Variants in SLC12A7 observed in about 807,000 individuals in gnomAD.
SLC12A7 encodes solute carrier family 12 member 7, also known as K-Cl cotransporter 4.
In SLC12A7, 100 loss-of-function variants were observed where a neutral mutation model predicts 120.6. The ratio of observed to expected loss-of-function variants is 0.83; its 90% confidence interval spans 0.71 to 0.98. SLC12A7 has a LOEUF of 0.98. SLC12A7 is among the 50% of genes least tolerant of loss of function. The pLI is 0.00. For synonymous variants in SLC12A7, 760 were observed against 678.0 expected, an observed-to-expected ratio of 1.12 and a Z score of -1.88; for missense variants, 1,373 against 1,548.1, an observed-to-expected ratio of 0.89 and a Z score of 1.90.
At chr5:1,055,604 C>T (rs1735530084) in intron 22 of SLC12A7, among the ~76,000 whole-genome samples, 1 of 152,204 alleles carries the variant, frequency 6.6e-6, no homozygotes, top group African/African-American at 2.4e-5. Flanking sequence ...TCTGGCCCAC[C>T]TTCTCCTGAC....
At chr5:1,128,051 T>C in the SLC12A7 span, among the ~76,000 whole-genome samples, 1 of 152,158 alleles carries the variant, frequency 6.6e-6, no homozygotes, top group Non-Finnish European at 1.5e-5. Context: ...AAGCAGTGAA[T>C]GTAGGATGTG....
Position 1,085,238 on chromosome 5 carries a change from T to A in SLC12A7, c.911A>T (p.Asp304Val). ...CAGAGGCCCCGAGACTCACGGGATG[T>A]CCGGGGGGTCGAAGGCAGACTTGAT... is the stretch of plus-strand genomic sequence containing the variant. ...GVIKSAFDPPDIPVCLLGNRT... is the reference protein window; with the variant it reads ...GVIKSAFDPPVIPVCLLGNRT... The change falls in exon 7 of 24, where the codon GAC becomes GTC. Residue 304 changes from aspartate to valine, a missense_variant. Physicochemically the swap from Asp to Val is radical, Grantham distance 152 (BLOSUM62 -3). Transcript: ENST00000264930. The A allele has an allele frequency of 2.5e-6, 4 of 1,612,184 alleles. No homozygotes were observed. Among genetic ancestry groups the A allele is most frequent in the Non-Finnish European group, 3.4e-6 (4 of 1,179,774 alleles).
chr5:1,108,029 TACACACACAC>T (rs59652318), intron 1 of SLC12A7, among the ~76,000 whole-genome samples: 1 of 151,492 alleles, frequency 6.6e-6, no homozygotes, highest in African/African-American at 2.4e-5. Flanking sequence ...AACACACACA[TACACACACAC>T]ACGTGAGCAT....
Position 1,083,846 on chromosome 5 carries a change from C to A in SLC12A7, c.1028G>T (p.Cys343Phe), listed in dbSNP as rs748983992. 1 of 1,607,956 alleles carries A rather than the reference C, an allele frequency of 6.2e-7. No homozygotes were observed. The highest frequency in any genetic ancestry group is 1.7e-5 in the Admixed American group (1 of 59,718). Residue 343 changes from cysteine to phenylalanine, a missense_variant, in exon 8 of 24, where the codon TGC becomes TTC. By Grantham distance (205) the Cys-to-Phe change is radical. Transcript: ENST00000264930. The stretch of plus-strand genomic sequence containing the variant: ...GGCGGCGCTGGGCTGGGAGCCGTTG[C>A]AGAAGAGGCCCCAGAGCGCGGAGGT... ...SATSALWGLF[C>F]NGSQPSAACD... is the part of the protein sequence containing the mutation.
chr5:1,087,065 G>C (rs1275589669), intron 5 of SLC12A7, 32 bp from the exon 6 acceptor site: 9 of 1,594,640 alleles, frequency 5.6e-6, no homozygotes, highest in Middle Eastern at 1.7e-4. Flanking sequence ...CCGCGGGTCA[G>C]GGGCGCACTT....
chr5:1,111,793 C>T, intron 1 of SLC12A7, 75 bp downstream of exon 1: 1 of 1,180,878 alleles, frequency 8.5e-7, no homozygotes, highest in Non-Finnish European at 1.0e-6. Context: ...CCGCCCGCCT[C>T]CGCTCCCGGA....
chr5:1,107,262 C>T (rs563139163), intron 1 of SLC12A7, among the ~76,000 whole-genome samples: 144 of 152,336 alleles, frequency 9.5e-4, no homozygotes, highest in African/African-American at 3.3e-3. Flanking sequence ...GCCTTAACCT[C>T]GGCAAATAAA....
At chr5:1,081,319 C>T (rs996101561) in intron 9 of SLC12A7, among the ~76,000 whole-genome samples, 2 of 152,140 alleles carry the variant, frequency 1.3e-5, no homozygotes, top group East Asian at 1.9e-4. Flanking sequence ...ATTAACCGGG[C>T]GTGGTACCGT....
At chr5:1,124,964 G>A in the SLC12A7 span, among the ~76,000 whole-genome samples, 4 of 152,166 alleles carry the variant, frequency 2.6e-5, no homozygotes, top group Admixed American at 6.5e-5. Flanking sequence ...AACAGCTAGA[G>A]ATTTCAAGAC....
chr5:1,145,189 G>A, the SLC12A7 span, among the ~76,000 whole-genome samples: 4 of 152,268 alleles, frequency 2.6e-5, no homozygotes, highest in African/African-American at 9.6e-5. This position sits in a 1 kb window ranked among gnomAD's most constrained non-coding sequence, Gnocchi z 4.4. Flanking sequence ...GGGGTCTCTG[G>A]AGACAGGACA....
intron 1 of SLC12A7, among the ~76,000 whole-genome samples, chr5:1,104,355 C>T (rs566507688): frequency 5.3e-5 from 8 of 152,222 alleles, no homozygotes; most frequent in African/African-American, 1.4e-4. Flanking sequence ...CCCGGCTGCA[C>T]GTCTGCAAGG....
chr5:1,053,326 A>G (rs1407783669), intron 23 of SLC12A7, 23 bp downstream of exon 23: 1 of 1,611,148 alleles, frequency 6.2e-7, no homozygotes, highest in Non-Finnish European at 8.5e-7. Context: ...CACGCTCAGC[A>G]GGCACACTGC....
At chr5:1,096,863 ATGAAG>A (rs1283867434) in intron 1 of SLC12A7, among the ~76,000 whole-genome samples, 1 of 78,796 alleles carries the variant, frequency 1.3e-5, no homozygotes, top group Non-Finnish European at 2.4e-5. Flanking sequence ...GGAGGGAGGG[ATGAAG>A]GGAGGGAGGG....
the SLC12A7 span, among the ~76,000 whole-genome samples, chr5:1,132,285 A>G: frequency 6.6e-6 from 1 of 152,146 alleles, no homozygotes; most frequent in African/African-American, 2.4e-5. Context: ...AAAGGGGAGG[A>G]GCCCACAGTT....
At chr5:1,055,115 C>T (rs376125187) in intron 22 of SLC12A7, among the ~76,000 whole-genome samples, 3 of 152,020 alleles carry the variant, frequency 2.0e-5, no homozygotes, top group African/African-American at 7.2e-5. Context: ...CAGGCACAGA[C>T]ACGCACACTA....
intron 17 of SLC12A7, among the ~76,000 whole-genome samples, chr5:1,069,360 G>A (rs1011859299): frequency 6.6e-6 from 1 of 152,252 alleles, no homozygotes; most frequent in Admixed American, 6.5e-5. Flanking sequence ...AGACCTGGAC[G>A]GGCCTCAGTG....
intron 1 of SLC12A7, 140 bp downstream of exon 1, chr5:1,111,728 C>A (rs1269466117): frequency 1.1e-6 from 1 of 900,188 alleles, no homozygotes; most frequent in Middle Eastern, 4.1e-4. Flanking sequence ...TCGTGGGGGA[C>A]CGAGAACAGG....
At chr5:1,053,318 C>A (rs41280361) in intron 23 of SLC12A7, 31 bp downstream of exon 23, 2 of 1,606,062 alleles carry the variant, frequency 1.2e-6, no homozygotes, top group Non-Finnish European at 1.7e-6. Context: ...GGTGCCCGCA[C>A]GCTCAGCAGG....
the SLC12A7 span, among the ~76,000 whole-genome samples, chr5:1,119,736 C>T: frequency 9.2e-5 from 14 of 152,252 alleles, no homozygotes; most frequent in Non-Finnish European, 1.8e-4. Context: ...TGGAGGGCTG[C>T]ATGTCAGGGT....
Sources: allele counts gnomAD v4.1 joint callset (sites outside exome capture counted in the v4.1 genomes callset), GRCh38; gene constraint gnomAD v4.1.1; non-coding constraint Gnocchi (gnomAD v3.1); transcripts MANE v1.5; gene names NCBI Gene and HGNC (gene_info 2026-07-23, HGNC 2026-07-21).